The following MAP3K4 variants were observed in gnomAD, a reference collection of about 807,000 sequenced individuals.
MAP3K4 encodes the protein MAP three kinase 1.
In MAP3K4, 67 loss-of-function variants were observed where a neutral mutation model predicts 185.6. The observed-to-expected ratio is 0.36, with a 90% CI of 0.30 to 0.44. The LOEUF is 0.44. Among genes scored for constraint, MAP3K4 ranks in the 20% least tolerant of loss-of-function variants. The probability of loss-of-function intolerance (pLI) is 1.00; values close to 1 mark genes in which losing one functional copy is unlikely to be tolerated. For synonymous variants in MAP3K4, 702 were observed against 710.4 expected, an observed-to-expected ratio of 0.99 and a Z score of 0.19; for missense variants, 1,551 against 1,995.1, an observed-to-expected ratio of 0.78 and a Z score of 4.24.
At chr6:161,095,803 T>C (rs1777541448) in intron 15 of MAP3K4, among the ~76,000 whole-genome samples, 1 of 152,248 alleles carries the variant, frequency 6.6e-6, no homozygotes, top group South Asian at 2.1e-4. Context: ...CCATTTTGCT[T>C]ATTAGCTATT....
chr6:161,107,050 G>GCACACACACACA lies in MAP3K4; in HGVS notation c.4048+363_4048+374dup, dbSNP rs3050252. On this transcript the variant is annotated intron_variant, in intron 20 of 26. Transcript: ENST00000392142. The surrounding 1 kb of genome is among the most constrained non-coding windows in gnomAD (Gnocchi z 6.2). ...TCTCTCTCTCTCTACACACGCGCGC[G>GCACACACACACA]CACACACACACACACACACACACAC... Among the ~76,000 whole-genome samples, 16 of 105,188 alleles carry GCACACACACACA rather than the reference G, an allele frequency of 1.5e-4. No individual in the cohort carries two copies. Among genetic ancestry groups the GCACACACACACA allele is most frequent in the African/African-American group, 5.0e-4 (15 of 29,798 alleles). The allele number at this position is 105,188 out of a possible 152,430, so 69.0% of individuals were successfully genotyped here.
chr6:161,034,391 G>A lies in MAP3K4; in HGVS notation c.285G>A (p.Met95Ile). ...GCACACCTCGACAGATGAAACGCAT[G>A]TCAACCAAACATCAGAGGAATAATG... ...PPSTPRQMKRMSTKHQRNNVG... is the reference protein window; with the variant it reads ...PPSTPRQMKRISTKHQRNNVG... Residue 95 changes from methionine to isoleucine, a missense_variant, in exon 2 of 27, where the codon ATG becomes ATA. Physicochemically the swap from Met to Ile is conservative, Grantham distance 10. This residue lies in a region of MAP3K4 where 287 missense variants were observed against 268.8 expected (regional missense o/e 1.07). Transcript: ENST00000392142. This position sits in a 1 kb window ranked among gnomAD's most constrained non-coding sequence, Gnocchi z 4.4. 6.2e-7 allele frequency: 1 copy of A among 1,613,960 alleles called. No individual in the cohort carries two copies. The highest frequency in any genetic ancestry group is 8.5e-7 in the Non-Finnish European group (1 of 1,179,888).
intron 6 of MAP3K4, among the ~76,000 whole-genome samples, chr6:161,081,745 C>T (rs1259891020): frequency 2.6e-5 from 4 of 152,188 alleles, no homozygotes; most frequent in Admixed American, 6.5e-5. Flanking sequence ...GCCACTGCAC[C>T]TCGGACTTGC....
rs1195384278 is a variant in MAP3K4 at position 161,073,588 on chromosome 6, A to G, written c.2073A>G (p.Glu691=). ...CCGACTGCAACATTGACGCTTTTGA[A>G]GAGGATCTACATAAAATGCTTATGG... ...EKPDCNIDAF[E]EDLHKMLMVY... The change falls in exon 5 of 27, where the codon GAA becomes GAG. Residue 691 remains glutamate (E), a synonymous_variant. Coordinates refer to ENST00000392142, the MANE Select transcript of MAP3K4 (RefSeq NM_005922.4). The surrounding 1 kb of genome is among the most constrained non-coding windows in gnomAD (Gnocchi z 4.2). 4 of 1,613,862 alleles carry G rather than the reference A, an allele frequency of 2.5e-6. No homozygotes were observed. Among genetic ancestry groups the G allele is most frequent in the East Asian group, 2.2e-5 (1 of 44,878 alleles).
Position 161,114,515 on chromosome 6 carries a change from C to T in MAP3K4, c.4627-608C>T, listed in dbSNP as rs1778506433. 6.6e-6 allele frequency among the ~76,000 whole-genome samples: 1 copy of T among 152,160 alleles called. No individual in the cohort carries two copies. Among genetic ancestry groups the T allele is most frequent in the Admixed American group, 6.6e-5 (1 of 15,266 alleles). On this transcript the variant is annotated intron_variant, in intron 25 of 26. Coordinates refer to ENST00000392142, the MANE Select transcript of MAP3K4 (RefSeq NM_005922.4). This position sits in a 1 kb window ranked among gnomAD's most constrained non-coding sequence, Gnocchi z 4.3. ...TAAAATAGAAAGGCAGTTGTGATAT[C>T]TGTGTTATTCCAGTAAAGCCACACA...
intron 3 of MAP3K4, 107 bp downstream of exon 3, chr6:161,050,086 CA>C (rs967784819): frequency 2.9e-4 from 323 of 1,132,658 alleles, no homozygotes; most frequent in Non-Finnish European, 2.8e-4. Context: ...TTTTTGAACA[CA>C]AATGGCAGTT....
intron 1 of MAP3K4, among the ~76,000 whole-genome samples, chr6:160,994,325 T>C (rs1223812340): frequency 3.9e-5 from 6 of 152,096 alleles, no homozygotes; most frequent in Admixed American, 3.9e-4. Context: ...CAAAGTCCAT[T>C]ATATCATTCT....
Position 161,093,117 on chromosome 6 carries a change from G to A in MAP3K4, c.3348+61G>A. On this transcript the variant is annotated intron_variant, in intron 14 of 26. Coordinates refer to ENST00000392142, the MANE Select transcript of MAP3K4 (RefSeq NM_005922.4). This position sits in a 1 kb window ranked among gnomAD's most constrained non-coding sequence, Gnocchi z 5.2. Reference sequence around the variant, plus strand: ...TAAGCCAGTCACTCCTTATTTTCTGGTTGTATATGTTTTATATGTAATAGT... The same window carrying A: ...TAAGCCAGTCACTCCTTATTTTCTGATTGTATATGTTTTATATGTAATAGT... 1 of 1,128,598 alleles carries A rather than the reference G, an allele frequency of 8.9e-7. No homozygotes were observed. Among genetic ancestry groups the A allele is most frequent in the Non-Finnish European group, 1.3e-6 (1 of 757,714 alleles). The allele number at this position is 1,128,598 out of a possible 1,614,324, so 69.9% of individuals were successfully genotyped here.
At chr6:161,057,558 A>AGAATCTCCCAGTGGGG (rs1491515609) in intron 3 of MAP3K4, among the ~76,000 whole-genome samples, 2 of 152,230 alleles carry the variant, frequency 1.3e-5, no homozygotes, top group Non-Finnish European at 2.9e-5. Flanking sequence ...AGGACAAGTC[A>AGAATCTCCCAGTGGGG]GAATCTCCCA....
In MAP3K4 at chr6:160,992,010, C is replaced by A; in HGVS notation, c.79C>A (p.Pro27Thr). ...TPAAAMEEPP[P>T]PPPPPPPPPE... is the part of the protein sequence containing the mutation. ...TGCCGCCGCCATGGAGGAGCCGCCG[C>A]CACCGCCGCCGCCGCCACCACCGCC... Residue 27 changes from proline to threonine, a missense_variant, in exon 1 of 27, where the codon CCA (proline) becomes ACA (threonine). Pro to Thr is a conservative substitution (Grantham distance 38). Transcript: ENST00000392142. The A allele has an allele frequency of 6.5e-7, 1 of 1,548,420 alleles. No homozygotes were observed. Among genetic ancestry groups the A allele is most frequent in the Non-Finnish European group, 8.7e-7 (1 of 1,153,542 alleles).
Position 161,070,981 on chromosome 6 carries a change from GT to G in MAP3K4, c.1950+135del, listed in dbSNP as rs923390945. The G allele has an allele frequency of 4.7e-6, 4 of 854,170 alleles. No individual in the cohort carries two copies. In the Admixed American group the frequency reaches 9.7e-5, roughly 21 times the overall value. The allele number at this position is 854,170 out of a possible 1,614,324, so 52.9% of individuals were successfully genotyped here. Reference sequence around the variant, plus strand: ...AGTGAAAAATGACTGTTTGTCCATGGTTTTAAGCTGTATATTTTAGGGTAAT... The same window carrying G: ...AGTGAAAAATGACTGTTTGTCCATGGTTTAAGCTGTATATTTTAGGGTAAT... On this transcript the variant is annotated intron_variant, in intron 4 of 26. Transcript: ENST00000392142. The surrounding 1 kb of genome is among the most constrained non-coding windows in gnomAD (Gnocchi z 4.5).
At chr6:161,069,567 G>A (rs902991693) in intron 3 of MAP3K4, among the ~76,000 whole-genome samples, 2 of 152,112 alleles carry the variant, frequency 1.3e-5, no homozygotes, top group African/African-American at 4.8e-5. Context: ...GCCATATTTG[G>A]TAGATGAGCA....
chr6:161,089,527 G>T, intron 11 of MAP3K4, 56 bp downstream of exon 11: 2 of 1,584,484 alleles, frequency 1.3e-6, no homozygotes, highest in Non-Finnish European at 1.7e-6. Flanking sequence ...GAAAGTCAGT[G>T]TGTGGTAATG....
At chr6:161,065,507 A>T (rs1051903159) in intron 3 of MAP3K4, among the ~76,000 whole-genome samples, 4 of 152,200 alleles carry the variant, frequency 2.6e-5, no homozygotes, top group Admixed American at 2.6e-4. Flanking sequence ...TGTTTTTAAT[A>T]TTTCATTCTA....
At chr6:161,035,793 G>C (rs977094480) in intron 2 of MAP3K4, among the ~76,000 whole-genome samples, 32 of 152,202 alleles carry the variant, frequency 2.1e-4, no homozygotes. Flanking sequence ...TTTGCTTCGT[G>C]TTAGTAAAGT....
At chr6:160,994,382 C>T (rs770410269) in intron 1 of MAP3K4, among the ~76,000 whole-genome samples, 1 of 152,124 alleles carries the variant, frequency 6.6e-6, no homozygotes, top group Admixed American at 6.5e-5. Context: ...TAAGTGAATA[C>T]GATGTTTGGT....
At chr6:161,004,132 T>C (rs987843302) in intron 1 of MAP3K4, among the ~76,000 whole-genome samples, 1 of 152,160 alleles carries the variant, frequency 6.6e-6, no homozygotes, top group African/African-American at 2.4e-5. Flanking sequence ...TCTGTGCTTA[T>C]TAATGAAACA....
At chr6:160,998,748 T>A (rs1188171305) in intron 1 of MAP3K4, among the ~76,000 whole-genome samples, 2 of 152,220 alleles carry the variant, frequency 1.3e-5, no homozygotes, top group Non-Finnish European at 2.9e-5. Context: ...ACATGTATAT[T>A]GTGTTTAAAT....
Position 161,112,021 on chromosome 6 carries a change from G to A in MAP3K4, c.4519+63G>A. 1.3e-6 allele frequency: 2 copies of A among 1,591,424 alleles called. No homozygotes were observed. Among genetic ancestry groups the A allele is most frequent in the Non-Finnish European group, 1.7e-6 (2 of 1,167,536 alleles). On this transcript the variant is annotated intron_variant, in intron 24 of 26. Coordinates refer to ENST00000392142, the MANE Select transcript of MAP3K4 (RefSeq NM_005922.4). The surrounding 1 kb of genome is among the most constrained non-coding windows in gnomAD (Gnocchi z 5.1). ...CATGCAGCCTGCTTGGGGCCTGCAT[G>A]TTCCCTTCACCTTTGTTTGTCAGTA...
Sources: gnomAD v4.1 joint callset for allele counts (sites outside exome capture counted in the v4.1 genomes callset) on GRCh38, gnomAD v4.1.1 for gene constraint, gnomAD v4.1.1 regional missense constraint, Gnocchi (gnomAD v3.1) non-coding constraint, MANE v1.5 for transcripts, NCBI Gene and HGNC (gene_info 2026-07-23, HGNC 2026-07-21) for gene names.